NOL10: variants seen among roughly 807,000 people sequenced by gnomAD.
The protein encoded by NOL10 is nucleolar protein 10.
Under a neutral mutation model 103.5 loss-of-function variants are expected in NOL10, and 58 were observed. That is an observed-to-expected ratio of 0.56 (90% CI 0.45 to 0.70). The LOEUF is 0.70. Ranked by LOEUF, NOL10 falls within the 30% of genes least tolerant of loss-of-function variation. NOL10 has a pLI of 0.00. For missense variants in NOL10, 763 were observed against 807.3 expected (o/e 0.95, Z 0.67); for synonymous variants, 287 against 282.5 (o/e 1.02, Z -0.16).
chr2:10,677,485 T>G (rs1229604328), intron 3 of NOL10, among the ~76,000 whole-genome samples: 2 of 151,360 alleles, frequency 1.3e-5, no homozygotes, highest in Non-Finnish European at 3.0e-5. Context: ...TTTTTTCCTT[T>G]TTTGAAATGG....
At chr2:10,662,022 C>T (rs1349810064) in intron 9 of NOL10, among the ~76,000 whole-genome samples, 1 of 152,100 alleles carries the variant, frequency 6.6e-6, no homozygotes, top group African/African-American at 2.4e-5. Flanking sequence ...CTATAGTCAA[C>T]AGTATGGCTC....
intron 16 of NOL10, among the ~76,000 whole-genome samples, chr2:10,601,444 CA>C (rs1304779557): frequency 6.6e-6 from 1 of 151,938 alleles, no homozygotes; most frequent in Non-Finnish European, 1.5e-5. Context: ...GGCCACATGG[CA>C]AAAAAACGGC....
chr2:10,602,938 ACAC>A, intron 15 of NOL10, 64 bp from the exon 16 acceptor site: 1 of 1,296,400 alleles, frequency 7.7e-7, no homozygotes, highest in East Asian at 2.3e-5. Flanking sequence ...ATTTTCATAT[ACAC>A]CACGACAGTT....
At chr2:10,637,942 T>A (rs1208968502) in intron 13 of NOL10, among the ~76,000 whole-genome samples, 1 of 152,142 alleles carries the variant, frequency 6.6e-6, no homozygotes, top group Non-Finnish European at 1.5e-5. Flanking sequence ...ACAGTCAAAA[T>A]ATTTTAATAG....
chr2:10,609,125 C>A (rs1480105197), intron 13 of NOL10, among the ~76,000 whole-genome samples: 1 of 151,806 alleles, frequency 6.6e-6, no homozygotes, highest in East Asian at 1.9e-4. Flanking sequence ...CCACAATCTC[C>A]CTGAAGAAGT....
intron 19 of NOL10, 87 bp downstream of exon 19, chr2:10,588,956 G>C: frequency 6.5e-7 from 1 of 1,543,614 alleles, no homozygotes; most frequent in Non-Finnish European, 8.7e-7. Flanking sequence ...TCCAAAGACA[G>C]AAATGTCATC....
chr2:10,660,572 C>T (rs1245255908), intron 9 of NOL10, among the ~76,000 whole-genome samples: 1 of 152,136 alleles, frequency 6.6e-6, no homozygotes, highest in East Asian at 1.9e-4. Context: ...CCTGCCTTGG[C>T]CTCCCAAAGT....
intron 1 of NOL10, among the ~76,000 whole-genome samples, chr2:10,686,047 G>A (rs532599078): frequency 3.2e-4 from 49 of 151,102 alleles, no homozygotes; most frequent in African/African-American, 1.0e-3. Flanking sequence ...GGGCAACAGA[G>A]TAAACCTGTT....
chr2:10,638,476 G>C (rs1678456919), intron 13 of NOL10, among the ~76,000 whole-genome samples: 1 of 129,518 alleles, frequency 7.7e-6, no homozygotes, highest in Non-Finnish European at 1.6e-5. Context: ...CCTTATAGCT[G>C]AATTCCCTTT....
intron 13 of NOL10, among the ~76,000 whole-genome samples, chr2:10,623,661 C>T (rs757672215): frequency 2.0e-5 from 3 of 152,126 alleles, no homozygotes; most frequent in Non-Finnish European, 4.4e-5. Flanking sequence ...AAGATGCTCA[C>T]TAAGTGTTTG....
intron 13 of NOL10, among the ~76,000 whole-genome samples, chr2:10,643,618 A>G (rs1301984167): frequency 6.6e-6 from 1 of 152,178 alleles, no homozygotes; most frequent in Non-Finnish European, 1.5e-5. Context: ...GATCAGGATG[A>G]TCTATGATAA....
intron 1 of NOL10, among the ~76,000 whole-genome samples, chr2:10,687,675 T>C (rs1050490583): frequency 5.3e-5 from 8 of 152,292 alleles, no homozygotes; most frequent in African/African-American, 1.9e-4. Context: ...ATAAAAACCT[T>C]GGGCCGGGTG....
intron 13 of NOL10, among the ~76,000 whole-genome samples, chr2:10,640,435 CG>C (rs1414982432): frequency 1.2e-4 from 19 of 152,184 alleles, no homozygotes; most frequent in African/African-American, 4.6e-4. Context: ...CATAATGCTT[CG>C]CTTAGCAAAA....
chr2:10,606,450 C>A (rs1425654951), intron 14 of NOL10, among the ~76,000 whole-genome samples: 3 of 151,742 alleles, frequency 2.0e-5, no homozygotes, highest in Admixed American at 6.6e-5. Flanking sequence ...CATGGTGAAA[C>A]CCCGTCTTAC....
At chr2:10,657,158 A>C (rs1329206894) in intron 11 of NOL10, among the ~76,000 whole-genome samples, 1 of 152,116 alleles carries the variant, frequency 6.6e-6, no homozygotes, top group Non-Finnish European at 1.5e-5. Context: ...ATCGCTACTA[A>C]AAATACAAAA....
intron 19 of NOL10, among the ~76,000 whole-genome samples, chr2:10,586,117 G>A (rs1233344236): frequency 1.3e-5 from 2 of 152,220 alleles, no homozygotes; most frequent in Admixed American, 6.5e-5. Context: ...GATGGGAGAT[G>A]GGGTAGGGTA....
intron 8 of NOL10, among the ~76,000 whole-genome samples, chr2:10,665,467 G>T (rs954139411): frequency 3.9e-5 from 6 of 152,170 alleles, no homozygotes; most frequent in Non-Finnish European, 8.8e-5. Flanking sequence ...GATGTAATAT[G>T]AAAATCAATG....
chr2:10,583,479 C>A (rs1480539137), intron 19 of NOL10, among the ~76,000 whole-genome samples: 1 of 152,174 alleles, frequency 6.6e-6, no homozygotes, highest in Non-Finnish European at 1.5e-5. Flanking sequence ...ATGGACACTG[C>A]CATTGGTTTA....
At chr2:10,579,560 C>T (rs1261852797) in intron 19 of NOL10, among the ~76,000 whole-genome samples, 9 of 144,354 alleles carry the variant, frequency 6.2e-5, no homozygotes, top group Admixed American at 2.1e-4. Context: ...TTTCGGTTAG[C>T]TTTTTTTTTT....
Sources: allele counts gnomAD v4.1 joint callset (sites outside exome capture counted in the v4.1 genomes callset), GRCh38; gene constraint gnomAD v4.1.1; transcripts MANE v1.5; gene names NCBI Gene and HGNC (gene_info 2026-07-23, HGNC 2026-07-21).